UBAC1: variants seen among roughly 807,000 people sequenced by gnomAD.
UBAC1 encodes UBA domain containing 1.
In UBAC1, 27 loss-of-function variants were observed where a neutral mutation model predicts 45.9. The ratio of observed to expected loss-of-function variants is 0.59; its 90% CI spans 0.43 to 0.81. UBAC1 has a LOEUF of 0.81. Ranked by LOEUF, UBAC1 falls within the 30% of genes least tolerant of loss-of-function variation. UBAC1 has a pLI of 0.00. For synonymous variants in UBAC1, 227 were observed against 215.5 expected (o/e 1.05, Z -0.47); for missense variants, 529 against 539.2 (o/e 0.98, Z 0.19).
At chr9:135,956,339 C>T (rs948525763) in intron 1 of UBAC1, among the ~76,000 whole-genome samples, 18 of 152,198 alleles carry the variant, frequency 1.2e-4, no homozygotes, top group African/African-American at 4.3e-4. Context: ...ATCCTCTCTG[C>T]AAAACAGCAC....
intron 3 of UBAC1, among the ~76,000 whole-genome samples, chr9:135,953,254 T>C (rs528870202): frequency 5.3e-5 from 8 of 152,274 alleles, no homozygotes; most frequent in African/African-American, 1.9e-4. Flanking sequence ...AAATGGCGAA[T>C]GCGTGGGTTG....
chr9:135,957,866 C>T (rs1313336643), intron 1 of UBAC1, among the ~76,000 whole-genome samples: 1 of 150,976 alleles, frequency 6.6e-6, no homozygotes, highest in African/African-American at 2.4e-5. Context: ...CCTCCGCTTC[C>T]CAGGTTCAAG....
chr9:135,940,783 A>G (rs1839261279), intron 7 of UBAC1, among the ~76,000 whole-genome samples: 1 of 152,138 alleles, frequency 6.6e-6, no homozygotes, highest in Non-Finnish European at 1.5e-5. Flanking sequence ...AAAAATATAA[A>G]TAAGTAAGAT....
intron 1 of UBAC1, among the ~76,000 whole-genome samples, chr9:135,956,546 C>G (rs1031321063): frequency 6.6e-6 from 1 of 152,162 alleles, no homozygotes. Context: ...CGACTCCACT[C>G]TATTATCTAC....
intron 6 of UBAC1, chr9:135,945,540 G>A (rs1260460702): frequency 1.2e-5 from 6 of 502,500 alleles, no homozygotes; most frequent in East Asian, 6.4e-5. Context: ...AACTGCCCCC[G>A]GCTGCCCCTG....
intron 3 of UBAC1, among the ~76,000 whole-genome samples, chr9:135,948,936 G>A (rs1839372529): frequency 6.6e-6 from 1 of 152,022 alleles, no homozygotes; most frequent in African/African-American, 2.4e-5. Flanking sequence ...CCGGTGTCCT[G>A]GTGCACACCT....
At chr9:135,948,546 T>TCC (rs918397794) in intron 3 of UBAC1, among the ~76,000 whole-genome samples, 5 of 152,162 alleles carry the variant, frequency 3.3e-5, no homozygotes, top group Non-Finnish European at 4.4e-5. Context: ...TGCCCTGTGC[T>TCC]CCCCTGCCAT....
In UBAC1 at chr9:135,954,138, T is replaced by TAA. The variant is rs1461891584; in HGVS notation, c.260-387_260-386dup. Among the ~76,000 whole-genome samples the TAA allele has an allele frequency of 3.0e-3, 309 of 103,586 alleles. 4 individuals are homozygous for TAA. The highest frequency in any genetic ancestry group is 8.8e-3 in the African/African-American group (233 of 26,624). 68.0% of individuals were successfully genotyped at this position (103,586 alleles called of 152,430 possible). The stretch of plus-strand genomic sequence containing the variant: ...TGGGCAACAGAGCAAGACTTCATCT[T>TAA]AAAAAAAAAAAAAAAAAAGAAGAAG... On this transcript the variant is annotated intron_variant, in intron 2 of 9. Coordinates refer to ENST00000371756, the MANE Select transcript of UBAC1 (RefSeq NM_016172.3).
At chr9:135,958,718 T>C (rs908973549) in intron 1 of UBAC1, among the ~76,000 whole-genome samples, 2 of 152,176 alleles carry the variant, frequency 1.3e-5, no homozygotes, top group Non-Finnish European at 2.9e-5. Context: ...CAGAGAGACA[T>C]TCAAATACAC....
chr9:135,941,580 CT>C (rs1226835473), intron 7 of UBAC1, among the ~76,000 whole-genome samples: 9 of 152,322 alleles, frequency 5.9e-5, no homozygotes, highest in Non-Finnish European at 1.2e-4. Context: ...ACAGGATGCC[CT>C]CCTCACTAGC....
chr9:135,961,038 C>G lies in UBAC1; in HGVS notation c.125G>C (p.Arg42Pro). The change falls in exon 1 of 10, where the codon CGC becomes CCC. Residue 42 changes from arginine (R) to proline (P), a missense_variant. Transcript: ENST00000371756. ...GCCCGGCCTTACGTGCTTGAGGCAG[C>G]GCTCCTTGAGCTTCTCCACCGAGGT... is the stretch of plus-strand genomic sequence containing the variant. ...EDTSVEKLKE[R>P]CLKHCAHGSL... The G allele has an allele frequency of 6.4e-7, 1 of 1,569,098 alleles. No individual in the cohort carries two copies. The highest frequency in any genetic ancestry group is 1.8e-5 in the Admixed American group (1 of 55,794).
At position 135,945,042 on chromosome 9, in the gene UBAC1, G is replaced by A. The variant is rs186584105; in HGVS notation, c.862C>T (p.Arg288Trp). 25 of 1,613,708 alleles carry A rather than the reference G, an allele frequency of 1.5e-5. No individual in the cohort carries two copies. The highest frequency in any genetic ancestry group is 1.7e-4 in the Middle Eastern group (1 of 6,058). ...FKKIRRKREFRADARAVISLM... is the reference protein window; with the variant it reads ...FKKIRRKREFWADARAVISLM... ...GTAACACATACCCGAGCATCAGCCCGAAACTCCCTTTTCCTCCGGATCTTC... is the reference window on the plus strand; with the variant it reads ...GTAACACATACCCGAGCATCAGCCCAAAACTCCCTTTTCCTCCGGATCTTC... The change falls in exon 7 of 10, where the codon CGG becomes TGG. Residue 288 changes from arginine to tryptophan, a missense_variant. Coordinates refer to ENST00000371756, the MANE Select transcript of UBAC1 (RefSeq NM_016172.3).
intron 3 of UBAC1, among the ~76,000 whole-genome samples, chr9:135,948,268 T>C (rs896686234): frequency 6.6e-6 from 1 of 152,176 alleles, no homozygotes; most frequent in African/African-American, 2.4e-5. Context: ...CACGAACTCA[T>C]CTCTGCTCCT....
At chr9:135,937,093 G>A (rs544819868) in intron 9 of UBAC1, among the ~76,000 whole-genome samples, 16 of 152,252 alleles carry the variant, frequency 1.1e-4, no homozygotes, top group African/African-American at 3.1e-4. Flanking sequence ...ATCAGGGCAC[G>A]GCCATCGCAG....
intron 7 of UBAC1, among the ~76,000 whole-genome samples, chr9:135,941,892 A>AT (rs1465424457): frequency 6.6e-6 from 1 of 152,214 alleles, no homozygotes; most frequent in Admixed American, 6.5e-5. Flanking sequence ...TAGTATCTCG[A>AT]TCCCTACTGG....
At chr9:135,934,238 C>T (rs916946459) in intron 9 of UBAC1, among the ~76,000 whole-genome samples, 2 of 152,184 alleles carry the variant, frequency 1.3e-5, no homozygotes, top group African/African-American at 2.4e-5. Context: ...CCATTCACGG[C>T]CCAGTAGCCC....
At chr9:135,946,953 G>A (rs974672630) in intron 4 of UBAC1, among the ~76,000 whole-genome samples, 6 of 152,184 alleles carry the variant, frequency 3.9e-5, no homozygotes, top group Non-Finnish European at 5.9e-5. Context: ...CCTCTGAGCC[G>A]GACACACACA....
At chr9:135,953,826 G>A in intron 2 of UBAC1, 73 bp from the exon 3 acceptor site, 1 of 1,377,070 alleles carries the variant, frequency 7.3e-7, no homozygotes, top group South Asian at 1.2e-5. Context: ...AAAGGGTGCT[G>A]GATGCCCTGA....
At chr9:135,954,321 C>A (rs923714875) in intron 2 of UBAC1, among the ~76,000 whole-genome samples, 5 of 151,838 alleles carry the variant, frequency 3.3e-5, no homozygotes, top group African/African-American at 1.2e-4. Flanking sequence ...GGCACATGCC[C>A]GTAGTCCCAG....
Sources: allele counts gnomAD v4.1 joint callset (sites outside exome capture counted in the v4.1 genomes callset), GRCh38; gene constraint gnomAD v4.1.1; transcripts MANE v1.5; gene names NCBI Gene and HGNC (gene_info 2026-07-23, HGNC 2026-07-21).